NUP210L: variants seen among roughly 807,000 people sequenced by gnomAD.
NUP210L encodes the protein nuclear pore membrane glycoprotein 210-like.
A neutral mutation model predicts 208.5 loss-of-function variants in NUP210L; 74 were observed. That is an observed-to-expected ratio of 0.35 (90% CI 0.29 to 0.43). NUP210L has a LOEUF of 0.43. Among genes scored for constraint, NUP210L ranks in the 20% least tolerant of loss-of-function variants. NUP210L has a pLI of 1.00. For synonymous variants in NUP210L, 780 were observed against 816.9 expected, an observed-to-expected ratio of 0.95 and a Z score of 0.77; for missense variants, 1,843 against 2,289.4, an observed-to-expected ratio of 0.81 and a Z score of 3.98.
At position 154,058,604 on chromosome 1, in the gene NUP210L, CA is replaced by C. The variant is rs1308792358; in HGVS notation, c.2939del (p.Val980GlyfsTer11). 1.2e-6 allele frequency: 2 copies of C among 1,613,870 alleles called. No homozygotes were observed. Among genetic ancestry groups the C allele is most frequent in the African/African-American group, 2.7e-5 (2 of 74,926 alleles). On this transcript the variant is annotated frameshift_variant, in exon 21 of 40. Transcript: ENST00000368559. LOFTEE classifies it high-confidence loss of function. ...CAAGCTCCAGCTCTTGTATGTCTGA[CA>C]CCCTGAGGTGGGCTGTTGCTGGACC...
chr1:154,144,165 A>G (rs1658999470), intron 2 of NUP210L, among the ~76,000 whole-genome samples: 1 of 152,150 alleles, frequency 6.6e-6, no homozygotes, highest in African/African-American at 2.4e-5. Flanking sequence ...TGTGCGACAG[A>G]GTGAGACTCT....
chr1:154,114,556 A>C (rs1657216180), intron 12 of NUP210L, among the ~76,000 whole-genome samples: 1 of 152,118 alleles, frequency 6.6e-6, no homozygotes, highest in Admixed American at 6.6e-5. Context: ...TAGGTGAATT[A>C]CGCTAAATGT....
chr1:154,023,915 G>A (rs1651701690), intron 30 of NUP210L, among the ~76,000 whole-genome samples: 1 of 151,806 alleles, frequency 6.6e-6, no homozygotes, highest in South Asian at 2.1e-4. Flanking sequence ...AGCCTCCTGA[G>A]TAGCTGAGAT....
At chr1:154,104,192 T>C (rs757268551) in exon 13 of NUP210L, 8 of 1,613,914 alleles carry the variant, frequency 5.0e-6, no homozygotes, top group Non-Finnish European at 5.9e-6. Context: ...TCCATTTTGT[T>C]CAGTTTCAGG....
intron 17 of NUP210L, among the ~76,000 whole-genome samples, chr1:154,065,737 C>A (rs1282928627): frequency 6.6e-6 from 1 of 151,512 alleles, no homozygotes; most frequent in African/African-American, 2.4e-5. Context: ...TACTAAAATA[C>A]AAAAAATTAG....
At chr1:154,085,649 G>A (rs1349387943) in intron 16 of NUP210L, among the ~76,000 whole-genome samples, 1 of 152,068 alleles carries the variant, frequency 6.6e-6, no homozygotes, top group Non-Finnish European at 1.5e-5. Flanking sequence ...GGAAATGCAA[G>A]GGACCCAGAA....
intron 5 of NUP210L, among the ~76,000 whole-genome samples, chr1:154,138,843 A>G (rs1316627767): frequency 6.6e-6 from 1 of 152,250 alleles, no homozygotes; most frequent in African/African-American, 2.4e-5. Context: ...AATGTGTCAA[A>G]AAAAGTTAAA....
chr1:154,117,440 G>A (rs995448912), intron 12 of NUP210L, among the ~76,000 whole-genome samples: 12 of 152,092 alleles, frequency 7.9e-5, no homozygotes, highest in Non-Finnish European at 1.6e-4. Context: ...AATTAGCCAG[G>A]TGTGGTAGTG....
At chr1:154,083,741 T>A (rs1655479419) in intron 16 of NUP210L, among the ~76,000 whole-genome samples, 1 of 151,984 alleles carries the variant, frequency 6.6e-6, no homozygotes, top group African/African-American at 2.4e-5. Flanking sequence ...GTTGTGGTGG[T>A]GTGAGGGCAG....
At chr1:154,072,391 G>T (rs1416659980) in intron 16 of NUP210L, among the ~76,000 whole-genome samples, 1 of 132,690 alleles carries the variant, frequency 7.5e-6, no homozygotes, top group African/African-American at 2.8e-5. Context: ...AGAGTGCAGT[G>T]GTGAGATCTC....
intron 17 of NUP210L, among the ~76,000 whole-genome samples, chr1:154,067,243 C>G (rs1304705780): frequency 1.3e-5 from 2 of 152,122 alleles, no homozygotes; most frequent in Non-Finnish European, 2.9e-5. Flanking sequence ...AGCTTATCCA[C>G]CAAGATCAAG....
intron 28 of NUP210L, among the ~76,000 whole-genome samples, chr1:154,029,502 C>T (rs1652095941): frequency 6.6e-6 from 1 of 151,062 alleles, no homozygotes; most frequent in Admixed American, 6.6e-5. Flanking sequence ...TCAGGAGTTT[C>T]AGACCAGCCT....
intron 10 of NUP210L, among the ~76,000 whole-genome samples, chr1:154,119,433 C>CA (rs1337594836): frequency 1.3e-5 from 2 of 151,914 alleles, no homozygotes; most frequent in Admixed American, 6.6e-5. Flanking sequence ...ACTAAAAATA[C>CA]AAAAAATCAG....
At chr1:154,067,137 C>A (rs1404547539) in intron 17 of NUP210L, among the ~76,000 whole-genome samples, 2 of 151,848 alleles carry the variant, frequency 1.3e-5, no homozygotes, top group Non-Finnish European at 2.9e-5. Flanking sequence ...AGAGACACAA[C>A]AAAAAAAGAG....
intron 12 of NUP210L, among the ~76,000 whole-genome samples, chr1:154,113,300 A>G (rs2148086276): frequency 6.6e-6 from 1 of 150,782 alleles, no homozygotes; most frequent in South Asian, 2.1e-4. Flanking sequence ...ACACAATGTA[A>G]TGGTCCAGGT....
chr1:154,003,269 G>A (rs565156967), intron 35 of NUP210L, among the ~76,000 whole-genome samples: 8 of 151,178 alleles, frequency 5.3e-5, no homozygotes, highest in East Asian at 3.9e-4. Context: ...GTGCAGTGGC[G>A]CAATCTCAGC....
At chr1:154,056,778 G>C (rs2147990780) in intron 23 of NUP210L, 37 bp downstream of exon 23, 1 of 1,539,708 alleles carries the variant, frequency 6.5e-7, no homozygotes, top group South Asian at 1.3e-5. Context: ...TGTTAAGCAA[G>C]AAAAAGTACA....
chr1:154,138,446 T>C (rs1427781177), intron 5 of NUP210L, among the ~76,000 whole-genome samples: 2 of 152,190 alleles, frequency 1.3e-5, no homozygotes, highest in Non-Finnish European at 2.9e-5. Context: ...CTTTCTAAGA[T>C]ACTCAGACTT....
At chr1:154,152,746 A>G in exon 2 of NUP210L, 3 of 1,614,034 alleles carry the variant, frequency 1.9e-6, no homozygotes, top group Non-Finnish European at 2.5e-6. Context: ...CTATTTCTCG[A>G]GCAAGAATAA....
Sources: gnomAD v4.1 joint callset for allele counts (sites outside exome capture counted in the v4.1 genomes callset) on GRCh38, gnomAD v4.1.1 for gene constraint, MANE v1.5 for transcripts, NCBI Gene and HGNC (gene_info 2026-07-23, HGNC 2026-07-21) for gene names.